The following SNRNP200 variants were observed in gnomAD, a reference collection of about 807,000 sequenced individuals.
SNRNP200 encodes U5 small nuclear ribonucleoprotein 200 kDa helicase.
A neutral mutation model predicts 255.2 loss-of-function variants in SNRNP200; 66 were observed. The ratio of observed to expected loss-of-function variants is 0.26; its 90% CI spans 0.21 to 0.32. The LOEUF is 0.32. Ranked by LOEUF, SNRNP200 falls within the 10% of genes least tolerant of loss-of-function variation. The probability of loss-of-function intolerance (pLI) is 1.00; values close to 1 mark genes in which losing one functional copy is unlikely to be tolerated. For missense variants in SNRNP200, 1,585 were observed against 2,749.8 expected, an observed-to-expected ratio of 0.58 and a Z score of 9.47; for synonymous variants, 939 against 1,027.8, an observed-to-expected ratio of 0.91 and a Z score of 1.65.
chr2:96,290,220 A>G lies in SNRNP200; in HGVS notation c.2742+106T>C. The G allele has an allele frequency of 1.6e-6, 2 of 1,266,462 alleles. No individual in the cohort carries two copies. The highest frequency in any genetic ancestry group is 2.3e-6 in the Non-Finnish European group (2 of 864,944). The allele number at this position is 1,266,462 out of a possible 1,614,324, so 78.5% of individuals were successfully genotyped here. On this transcript the variant is annotated intron_variant, in intron 20 of 44. Coordinates refer to ENST00000323853, the MANE Select transcript of SNRNP200 (RefSeq NM_014014.5). The surrounding 1 kb of genome is among the most constrained non-coding windows in gnomAD (Gnocchi z 4.5). ...ACCCAAGATGTGGGTGCAGGGATGG[A>G]AGGCCTCGGACGCTGCTGGCCCGCA...
At position 96,289,868 on chromosome 2, in the gene SNRNP200, A is replaced by C; in HGVS notation, c.2871T>G (p.Val957=). 2 of 1,614,182 alleles carry C rather than the reference A, an allele frequency of 1.2e-6. No individual in the cohort carries two copies. The highest frequency in any genetic ancestry group is 1.7e-6 in the Non-Finnish European group (2 of 1,180,034). ...TGTCCAGCATCAGGGCAGCTGTATG[A>C]ACCAGATCTAGTCGGCGCTGGTCCA... The part of the protein sequence containing the change: ...PLLDQRRLDL[V]HTAALMLDKN... Residue 957 remains valine, a synonymous_variant, in exon 21 of 45, where the codon GTT becomes GTG. Transcript: ENST00000323853.
Position 96,290,702 on chromosome 2 carries a change from T to TAG in SNRNP200, c.2534_2535insCT (p.Ala846Ter), listed in dbSNP as rs1262075380. Reference sequence around the variant, plus strand: ...TCTGTACCTGCAGAATGTCCAGTGCTCCCAGTTCTGTCCAACGCCCCTTCT... The same window carrying TAG: ...TCTGTACCTGCAGAATGTCCAGTGCTAGCCCAGTTCTGTCCAACGCCCCTTCT... On this transcript the variant is annotated frameshift_variant, in exon 19 of 45. Transcript: ENST00000323853. LOFTEE classifies it high-confidence loss of function. The surrounding 1 kb of genome is among the most constrained non-coding windows in gnomAD (Gnocchi z 4.5). The TAG allele has an allele frequency of 6.2e-7, 1 of 1,614,208 alleles. No individual in the cohort carries two copies. Among genetic ancestry groups the TAG allele is most frequent in the Admixed American group, 1.7e-5 (1 of 60,018 alleles).
At chr2:96,300,927 A>C (rs2063948629) in intron 5 of SNRNP200, 71 bp downstream of exon 5, 2 of 1,279,950 alleles carry the variant, frequency 1.6e-6, no homozygotes, top group Admixed American at 3.4e-5. Context: ...GAGCTTGTTT[A>C]CACTAGAAGG....
chr2:96,276,420 A>T (rs1353011615), intron 43 of SNRNP200: 14 of 160,638 alleles, frequency 8.7e-5, no homozygotes, highest in South Asian at 2.6e-4. Flanking sequence ...AGTCATCTAA[A>T]TTTTTTTTTT....
At chr2:96,292,039 C>T (rs2063887362) in intron 16 of SNRNP200, 139 bp from the exon 17 acceptor site, 12 of 913,942 alleles carry the variant, frequency 1.3e-5, no homozygotes, top group South Asian at 1.2e-4. Flanking sequence ...TGTGCAGGCT[C>T]AGAGGAAGCC....
rs1349749242 is a variant in SNRNP200 at position 96,295,554 on chromosome 2, C to T, written c.1776G>A (p.Lys592=). Residue 592 remains lysine (K), a synonymous_variant, in exon 14 of 45, where the codon AAG becomes AAA. Coordinates refer to ENST00000323853, the MANE Select transcript of SNRNP200 (RefSeq NM_014014.5). ...CACCCTTGCGGGTGATGATGTCCCA[C>T]TTCTCGGGGGTGCAGACGATGATCT... ...ATQIIVCTPE[K]WDIITRKGGE... is the part of the protein sequence containing the mutation. 2 of 1,614,080 alleles carry T rather than the reference C, an allele frequency of 1.2e-6. No individual in the cohort carries two copies. The highest frequency in any genetic ancestry group is 1.7e-6 in the Non-Finnish European group (2 of 1,180,032).
chr2:96,286,301 A>C lies in SNRNP200; in HGVS notation c.4003+10T>G. The stretch of plus-strand genomic sequence containing the variant: ...TCAAAAGCCTCCAGAGGAGGGATGG[A>C]AACACTTACCCTGGGTCTGGATGGG... On this transcript the variant is annotated intron_variant, in intron 29 of 44. Transcript: ENST00000323853. The surrounding 1 kb of genome is among the most constrained non-coding windows in gnomAD (Gnocchi z 4.8). 6.2e-7 allele frequency: 1 copy of C among 1,613,762 alleles called. No individual in the cohort carries two copies. The highest frequency in any genetic ancestry group is 8.5e-7 in the Non-Finnish European group (1 of 1,179,732).
chr2:96,278,554 G>A lies in SNRNP200; in HGVS notation c.5481C>T (p.Thr1827=), dbSNP rs1684709325. 1.2e-6 allele frequency: 2 copies of A among 1,614,000 alleles called. No individual in the cohort carries two copies. The highest frequency in any genetic ancestry group is 1.3e-5 in the African/African-American group (1 of 75,032). Residue 1827 remains threonine (T), a synonymous_variant, in exon 38 of 45, where the codon ACC becomes ACT. Coordinates refer to ENST00000323853, the MANE Select transcript of SNRNP200 (RefSeq NM_014014.5). The surrounding 1 kb of genome is among the most constrained non-coding windows in gnomAD (Gnocchi z 6.9). ...GGCCATGCCGGGCCTCACCAATGGT[G>A]GTGTAGTTGATGTAATAGTAGGCGG... ...MIAAYYYINY[T]TIELFSMSLN... is the part of the protein sequence containing the mutation.
rs1461161397 is a variant in SNRNP200 at position 96,290,711 on chromosome 2, T to C, written c.2526A>G (p.Thr842=). 6.2e-7 allele frequency: 1 copy of C among 1,614,240 alleles called. No homozygotes were observed. The highest frequency in any genetic ancestry group is 1.3e-5 in the African/African-American group (1 of 75,058). The part of the protein sequence containing the change: ...QVYSPEKGRW[T]ELGALDILQM... ...GCAGAATGTCCAGTGCTCCCAGTTC[T>C]GTCCAACGCCCCTTCTCTGGACTGT... The change falls in exon 19 of 45, where the codon ACA becomes ACG. Residue 842 remains threonine (T), a synonymous_variant. Coordinates refer to ENST00000323853, the MANE Select transcript of SNRNP200 (RefSeq NM_014014.5). This position sits in a 1 kb window ranked among gnomAD's most constrained non-coding sequence, Gnocchi z 4.5.
rs773661118 is a variant in SNRNP200 at position 96,284,374 on chromosome 2, A to G, written c.4376T>C (p.Ile1459Thr). The G allele has an allele frequency of 3.3e-5, 53 of 1,613,828 alleles. 1 individual carries two copies. In the Admixed American group the frequency reaches 8.2e-4, roughly 25 times the overall value. The change falls in exon 31 of 45, where the codon ATC (isoleucine) becomes ACC (threonine). Residue 1459 changes from isoleucine to threonine, a missense_variant. This residue lies in a region of SNRNP200 where 719 missense variants were observed against 1,091.1 expected (regional missense o/e 0.66). Transcript: ENST00000323853. ...ACGCCATACCCCATTCTCGCCCCCG[A>G]TAAGGTGGACCTCATCCACCACGAA... Reference protein sequence around the residue: ...NLFVVDEVHLIGGENGPVLEV... With the variant: ...NLFVVDEVHLTGGENGPVLEV...
rs2063848713 is a variant in SNRNP200 at position 96,287,086 on chromosome 2, A to C, written c.3559T>G (p.Ser1187Ala). The C allele has an allele frequency of 6.2e-7, 1 of 1,614,144 alleles. No individual in the cohort carries two copies. The highest frequency in any genetic ancestry group is 2.2e-5 in the East Asian group (1 of 44,878). The part of the protein sequence containing the change: ...YVHLFPKLEL[S>A]VHLQPITRST... ...CGTGTGATAGGCTGCAGGTGCACTG[A>C]CAACTCCAACTTGGGAAACAGATGG... Residue 1187 changes from serine to alanine, a missense_variant, in exon 27 of 45, where the codon TCA becomes GCA. By Grantham distance (99) the Ser-to-Ala change is moderately conservative (BLOSUM62 1). This residue lies in a region of SNRNP200 where 719 missense variants were observed against 1,091.1 expected (regional missense o/e 0.66). Transcript: ENST00000323853. This position sits in a 1 kb window ranked among gnomAD's most constrained non-coding sequence, Gnocchi z 5.7.
rs374005295 is a variant in SNRNP200, at chr2:96,290,821, G to C, written c.2422-6C>G. 2.5e-6 allele frequency: 4 copies of C among 1,614,012 alleles called. No individual in the cohort carries two copies. In the African/African-American group the frequency reaches 4.0e-5, roughly 16 times the overall value. ...GTTGCTGTGGAAACTAAAACCTACAGAGGCAAAACAAGGTAATGAGGAGAA... is the reference window on the plus strand; with the variant it reads ...GTTGCTGTGGAAACTAAAACCTACACAGGCAAAACAAGGTAATGAGGAGAA... On this transcript the variant is annotated splice_region_variant and splice_polypyrimidine_tract_variant and intron_variant, in intron 18 of 44. Coordinates refer to ENST00000323853, the MANE Select transcript of SNRNP200 (RefSeq NM_014014.5). This position sits in a 1 kb window ranked among gnomAD's most constrained non-coding sequence, Gnocchi z 4.5.
chr2:96,283,414 G>A lies in SNRNP200; in HGVS notation c.4764-62C>T, dbSNP rs1320336037. The A allele has an allele frequency of 6.2e-7, 1 of 1,613,376 alleles. No individual in the cohort carries two copies. The highest frequency in any genetic ancestry group is 1.7e-5 in the Admixed American group (1 of 60,000). ...TCAATTCCTGGCAGACACTTTGCCA[G>A]CTGTGCAGAACCTGGCCCCAAGCAA... is the stretch of plus-strand genomic sequence containing the variant. On this transcript the variant is annotated intron_variant, in intron 33 of 44. Coordinates refer to ENST00000323853, the MANE Select transcript of SNRNP200 (RefSeq NM_014014.5). This position sits in a 1 kb window ranked among gnomAD's most constrained non-coding sequence, Gnocchi z 4.7.
chr2:96,285,461 G>A, intron 29 of SNRNP200, 121 bp from the exon 30 acceptor site: 2 of 1,124,034 alleles, frequency 1.8e-6, no homozygotes, highest in Non-Finnish European at 1.3e-6. Context: ...GTTCTGGAGT[G>A]CAGACAGAGG....
In SNRNP200 at chr2:96,287,453, T is replaced by A; in HGVS notation, c.3470A>T (p.Asn1157Ile). 6.2e-7 allele frequency: 1 copy of A among 1,610,094 alleles called. No individual in the cohort carries two copies. Among genetic ancestry groups the A allele is most frequent in the Non-Finnish European group, 8.5e-7 (1 of 1,176,256 alleles). ...NFPFERLYDLNHNEIGELIRM... is the reference protein window; with the variant it reads ...NFPFERLYDLIHNEIGELIRM... ...ATCCCACACACCAATCTCATTATGA[T>A]TCAGGTCGTACAGACGCTCAAAGGG... The change falls in exon 26 of 45, where the codon AAT becomes ATT. Residue 1157 changes from asparagine (N) to isoleucine (I), a missense_variant. By Grantham distance (149) the Asn-to-Ile change is moderately radical. Transcript: ENST00000323853. The surrounding 1 kb of genome is among the most constrained non-coding windows in gnomAD (Gnocchi z 5.7).
chr2:96,288,809 AC>A, intron 23 of SNRNP200, 63 bp from the exon 24 acceptor site: 1 of 1,400,676 alleles, frequency 7.1e-7, no homozygotes, highest in Non-Finnish European at 1.0e-6. Context: ...AAAGGGAATT[AC>A]ATTTCTGCTC....
chr2:96,293,319 T>C lies in SNRNP200; in HGVS notation c.2033A>G (p.Asn678Ser). 6.2e-7 allele frequency: 1 copy of C among 1,613,922 alleles called. No individual in the cohort carries two copies. Among genetic ancestry groups the C allele is most frequent in the Non-Finnish European group, 8.5e-7 (1 of 1,179,800 alleles). Reference protein sequence around the residue: ...DPAKGLFYFDNSFRPVPLEQT... With the variant: ...DPAKGLFYFDSSFRPVPLEQT... ...TTTGCCCAGTCTTTCCTGATACCTG[T>C]TGTCAAAGTAAAAGAGACCCTTGGC... Residue 678 changes from asparagine to serine, a missense_variant, in exon 15 of 45, where the codon AAC becomes AGC. Coordinates refer to ENST00000323853, the MANE Select transcript of SNRNP200 (RefSeq NM_014014.5).
intron 12 of SNRNP200, 49 bp downstream of exon 12, chr2:96,296,884 A>C (rs1274643644): frequency 1.2e-6 from 2 of 1,613,244 alleles, no homozygotes; most frequent in East Asian, 4.5e-5. Context: ...TTGCAACGGA[A>C]ACTCCACACC....
In SNRNP200 at chr2:96,278,227, C is replaced by T; in HGVS notation, c.5610+10G>A. The T allele has an allele frequency of 6.2e-7, 1 of 1,614,188 alleles. No homozygotes were observed. The highest frequency in any genetic ancestry group is 8.5e-7 in the Non-Finnish European group (1 of 1,180,020). ...TCCCAGGATGCTCTCCTGAAGTCTG[C>T]TGTCCTCACCTGCCTCAGGAGATTG... On this transcript the variant is annotated intron_variant, in intron 39 of 44. Transcript: ENST00000323853. The surrounding 1 kb of genome is among the most constrained non-coding windows in gnomAD (Gnocchi z 6.9).
Sources: allele counts gnomAD v4.1 joint callset, GRCh38; gene constraint gnomAD v4.1.1; regional missense constraint gnomAD v4.1.1; non-coding constraint Gnocchi (gnomAD v3.1); transcripts MANE v1.5; gene names NCBI Gene and HGNC (gene_info 2026-07-23, HGNC 2026-07-21).